ASAP1: variants seen among roughly 807,000 people sequenced by gnomAD.
ASAP1 encodes the protein ArfGAP with SH3 domain, ankyrin repeat and PH domain 1.
In ASAP1, 43 loss-of-function variants were observed where a neutral mutation model predicts 145.2. That is an observed-to-expected ratio of 0.30 (90% CI 0.23 to 0.38). ASAP1 has a LOEUF of 0.38. Ranked by LOEUF, ASAP1 falls within the 10% of genes least tolerant of loss-of-function variation. The probability of loss-of-function intolerance (pLI) is 1.00; values close to 1 mark genes in which losing one functional copy is unlikely to be tolerated. For missense variants in ASAP1, 1,018 were observed against 1,355.3 expected, an observed-to-expected ratio of 0.75 and a Z score of 3.91; for synonymous variants, 546 against 515.5, an observed-to-expected ratio of 1.06 and a Z score of -0.80.
intron 20 of ASAP1, 34 bp from the exon 21 acceptor site, chr8:130,117,029 CTTACTT>C: frequency 6.6e-7 from 1 of 1,503,968 alleles, no homozygotes; most frequent in Non-Finnish European, 9.1e-7. Context: ...AAAAAAATGA[CTTACTT>C]TATAACTTAA....
chr8:130,079,180 G>T (rs2097472497), intron 26 of ASAP1, among the ~76,000 whole-genome samples: 1 of 152,190 alleles, frequency 6.6e-6, no homozygotes, highest in Admixed American at 6.5e-5. Flanking sequence ...GGGTGACAGA[G>T]AAAGGCCCTA....
chr8:130,340,716 TATTG>T, intron 3 of ASAP1: 1 of 297,424 alleles, frequency 3.4e-6, no homozygotes, highest in Non-Finnish European at 6.9e-6. Flanking sequence ...TTTGGGCATT[TATTG>T]ATCTTCTCTA....
At chr8:130,215,877 C>T (rs1816872671) in intron 4 of ASAP1, among the ~76,000 whole-genome samples, 1 of 150,938 alleles carries the variant, frequency 6.6e-6, no homozygotes. Context: ...GTGAGCTGTG[C>T]TTGTGCCACT....
chr8:130,339,319 T>C (rs1825230646), intron 3 of ASAP1, among the ~76,000 whole-genome samples: 1 of 152,198 alleles, frequency 6.6e-6, no homozygotes, highest in Non-Finnish European at 1.5e-5. Flanking sequence ...TTTAAGACGC[T>C]GGAAACTTTC....
At chr8:130,415,423 G>A (rs1353563821) in intron 1 of ASAP1, among the ~76,000 whole-genome samples, 2 of 152,126 alleles carry the variant, frequency 1.3e-5, no homozygotes, top group Non-Finnish European at 2.9e-5. Flanking sequence ...ACCTATGACT[G>A]TGCCACTGCA....
chr8:130,411,990 G>A (rs1829283915), intron 1 of ASAP1, among the ~76,000 whole-genome samples: 1 of 152,162 alleles, frequency 6.6e-6, no homozygotes, highest in Non-Finnish European at 1.5e-5. Context: ...CTCCCTCGCA[G>A]GAAGCCCCCA....
intron 2 of ASAP1, among the ~76,000 whole-genome samples, chr8:130,380,372 A>T (rs1025927413): frequency 6.6e-6 from 1 of 152,104 alleles, no homozygotes; most frequent in Non-Finnish European, 1.5e-5. Flanking sequence ...TGGGGAGTGA[A>T]CTCCCAGCAC....
chr8:130,113,777 T>G (rs2097550348), intron 23 of ASAP1, among the ~76,000 whole-genome samples: 1 of 151,744 alleles, frequency 6.6e-6, no homozygotes. Flanking sequence ...TTATGTACTT[T>G]TTTTTTTTTT....
intron 3 of ASAP1, among the ~76,000 whole-genome samples, chr8:130,337,464 ATAAACTG>A (rs1281539043): frequency 6.6e-6 from 1 of 152,248 alleles, no homozygotes; most frequent in African/African-American, 2.4e-5. Flanking sequence ...GAGCCCTGTT[ATAAACTG>A]TAAATTCTGA....
intron 27 of ASAP1, among the ~76,000 whole-genome samples, chr8:130,067,263 TAG>T (rs759303858): frequency 2.6e-5 from 4 of 152,190 alleles, no homozygotes; most frequent in Non-Finnish European, 5.9e-5. Context: ...TGACCCATAC[TAG>T]AGTTAGATGA....
chr8:130,413,921 T>C (rs1282375032), intron 1 of ASAP1, among the ~76,000 whole-genome samples: 4 of 150,180 alleles, frequency 2.7e-5, no homozygotes, highest in East Asian at 1.9e-4. Flanking sequence ...TTCATTCATT[T>C]ATGTAACACT....
intron 11 of ASAP1, among the ~76,000 whole-genome samples, chr8:130,163,704 A>G (rs2097674264): frequency 6.6e-6 from 1 of 151,986 alleles, no homozygotes. Context: ...ATTAACAACA[A>G]TTTAAAAACT....
chr8:130,096,061 CACAG>C (rs1290028993), intron 24 of ASAP1, among the ~76,000 whole-genome samples: 1 of 152,162 alleles, frequency 6.6e-6, no homozygotes, highest in Admixed American at 6.5e-5. Context: ...AAAACAAACA[CACAG>C]ACAGACCTAT....
intron 1 of ASAP1, among the ~76,000 whole-genome samples, chr8:130,442,168 G>T (rs1399234950): frequency 6.6e-6 from 1 of 152,182 alleles, no homozygotes; most frequent in Non-Finnish European, 1.5e-5. Context: ...CAGGACAGAA[G>T]AGAAGGCACT....
intron 15 of ASAP1, among the ~76,000 whole-genome samples, chr8:130,133,588 G>A (rs1014449404): frequency 6.6e-6 from 1 of 151,836 alleles, no homozygotes. Flanking sequence ...CCCGGGAAGC[G>A]GAGCTTGCAG....
chr8:130,265,257 T>G (rs546736650), intron 3 of ASAP1, among the ~76,000 whole-genome samples: 80 of 152,254 alleles, frequency 5.3e-4, no homozygotes, highest in African/African-American at 1.9e-3. Flanking sequence ...CCCATCATAC[T>G]TTCCCCAAAA....
chr8:130,403,735 G>T (rs755570833), intron 1 of ASAP1, among the ~76,000 whole-genome samples: 1 of 151,786 alleles, frequency 6.6e-6, no homozygotes, highest in Non-Finnish European at 1.5e-5. Flanking sequence ...TGCATTTTTA[G>T]TAGAGACAGG....
At chr8:130,115,381 A>G (rs911172282) in intron 23 of ASAP1, among the ~76,000 whole-genome samples, 1 of 152,148 alleles carries the variant, frequency 6.6e-6, no homozygotes. Flanking sequence ...AGCTCCTTCA[A>G]TCATGTGAGC....
chr8:130,162,087 C>T (rs1220194277), intron 11 of ASAP1, among the ~76,000 whole-genome samples: 2 of 152,106 alleles, frequency 1.3e-5, no homozygotes, highest in Non-Finnish European at 2.9e-5. Context: ...GGTGTGAGCA[C>T]CATGCTCGAC....
Sources: gnomAD v4.1 joint callset for allele counts (sites outside exome capture counted in the v4.1 genomes callset) on GRCh38, gnomAD v4.1.1 for gene constraint, MANE v1.5 for transcripts, NCBI Gene and HGNC (gene_info 2026-07-23, HGNC 2026-07-21) for gene names.